The following STX18 variants were observed in gnomAD, a reference collection of about 807,000 sequenced individuals.
STX18 encodes syntaxin 18, also known as syntaxin-18.
Under a neutral mutation model 50.1 loss-of-function variants are expected in STX18, and 40 were observed. The ratio of observed to expected loss-of-function variants is 0.80; its 90% CI spans 0.62 to 1.04. STX18 has a LOEUF of 1.04. STX18 is among the 50% of genes least tolerant of loss of function. The probability of loss-of-function intolerance (pLI) is 0.00; values close to 1 mark genes in which losing one functional copy is unlikely to be tolerated. For synonymous variants in STX18, 158 were observed against 151.8 expected, an observed-to-expected ratio of 1.04 and a Z score of -0.30; for missense variants, 410 against 415.8, an observed-to-expected ratio of 0.99 and a Z score of 0.12.
At chr4:4,460,620 G>A (rs1248012304) in intron 2 of STX18, among the ~76,000 whole-genome samples, 1 of 152,142 alleles carries the variant, frequency 6.6e-6, no homozygotes, top group African/African-American at 2.4e-5. Flanking sequence ...TATTTTCTAA[G>A]GAAGAGTTGG....
At chr4:4,465,591 C>A (rs944920573) in intron 2 of STX18, among the ~76,000 whole-genome samples, 1 of 152,066 alleles carries the variant, frequency 6.6e-6, no homozygotes, top group Non-Finnish European at 1.5e-5. Flanking sequence ...GGGAACAATA[C>A]AAACTGGGGC....
intron 1 of STX18, among the ~76,000 whole-genome samples, chr4:4,523,305 C>A (rs1239440657): frequency 6.6e-6 from 1 of 152,210 alleles, no homozygotes; most frequent in African/African-American, 2.4e-5. Context: ...TTCCCAGGGA[C>A]TACTCTGAGG....
At chr4:4,424,219 TG>T (rs900345791) in intron 8 of STX18, among the ~76,000 whole-genome samples, 1 of 143,418 alleles carries the variant, frequency 7.0e-6, no homozygotes, top group African/African-American at 2.6e-5. Context: ...GGGGGGCGGG[TG>T]GGGGCACATC....
chr4:4,462,234 C>T (rs1025927829), intron 2 of STX18, among the ~76,000 whole-genome samples: 2 of 152,164 alleles, frequency 1.3e-5, no homozygotes, highest in African/African-American at 4.8e-5. Context: ...AACCAACACC[C>T]TCCAACCCCC....
At chr4:4,447,092 C>T (rs181610965) in intron 5 of STX18, among the ~76,000 whole-genome samples, 9 of 152,194 alleles carry the variant, frequency 5.9e-5, no homozygotes, top group African/African-American at 1.9e-4. Context: ...TAGGTATACA[C>T]ATATGATTAT....
At chr4:4,477,148 C>T (rs1410768674) in intron 1 of STX18, among the ~76,000 whole-genome samples, 1 of 152,136 alleles carries the variant, frequency 6.6e-6, no homozygotes, top group Non-Finnish European at 1.5e-5. Flanking sequence ...GAGGCTGAGG[C>T]AGGAGAATCA....
At position 4,471,620 on chromosome 4, in the gene STX18, TA is replaced by T. The variant is rs541587766; in HGVS notation, c.236+18del. The T allele has an allele frequency of 6.6e-6, 10 of 1,512,872 alleles. No individual in the cohort carries two copies. The East Asian group carries it at 7.0e-5, about 11-fold the overall frequency. The allele number at this position is 1,512,872 out of a possible 1,614,324, so 93.7% of individuals were successfully genotyped here. The stretch of plus-strand genomic sequence containing the variant: ...AAGAACACAGTCACCAAAGTCCTGG[TA>T]AAAAAATATGTACTTACCTATAAGC... On this transcript the variant is annotated intron_variant, in intron 2 of 10. Transcript: ENST00000306200.
At chr4:4,475,728 C>T (rs1021517307) in intron 1 of STX18, among the ~76,000 whole-genome samples, 3 of 152,212 alleles carry the variant, frequency 2.0e-5, no homozygotes, top group Non-Finnish European at 4.4e-5. Context: ...ACAATTCTGA[C>T]GTGCTCATTA....
At chr4:4,522,848 C>T (rs1481343689) in intron 1 of STX18, among the ~76,000 whole-genome samples, 1 of 152,058 alleles carries the variant, frequency 6.6e-6, no homozygotes, top group African/African-American at 2.4e-5. Context: ...GCAGAGTTTC[C>T]AGAAAATCAA....
chr4:4,541,669 T>C (rs1390362956), intron 1 of STX18, 128 bp downstream of exon 1: 9 of 1,041,872 alleles, frequency 8.6e-6, no homozygotes, highest in Non-Finnish European at 1.2e-5. Context: ...TGAGGCCAAC[T>C]CTTCTGTCCC....
At chr4:4,429,592 T>C (rs1015768496) in intron 7 of STX18, among the ~76,000 whole-genome samples, 2 of 152,202 alleles carry the variant, frequency 1.3e-5, no homozygotes, top group African/African-American at 4.8e-5. Flanking sequence ...CCAGACGTGC[T>C]TTCTCTGTAC....
chr4:4,434,911 C>T lies in STX18; in HGVS notation c.614-53G>A, dbSNP rs988681295. Reference sequence around the variant, plus strand: ...GACCAAATATGTGTTTTAGAATAGGCTGGCTTAGGATGTAGTCATAACACA... The same window carrying T: ...GACCAAATATGTGTTTTAGAATAGGTTGGCTTAGGATGTAGTCATAACACA... On this transcript the variant is annotated intron_variant, in intron 6 of 10. Transcript: ENST00000306200. 10 of 1,322,446 alleles carry T rather than the reference C, an allele frequency of 7.6e-6. No homozygotes were observed. In the East Asian group the frequency reaches 9.5e-5, roughly 13 times the overall value. The allele number at this position is 1,322,446 out of a possible 1,614,324, so 81.9% of individuals were successfully genotyped here. A position where few individuals can be genotyped will look rare whatever the true frequency, so the allele number is the denominator to read the frequency against.
intron 1 of STX18, among the ~76,000 whole-genome samples, chr4:4,502,027 G>C (rs955212453): frequency 2.1e-4 from 32 of 152,164 alleles, no homozygotes; most frequent in African/African-American, 7.7e-4. Context: ...TAAGCATTAA[G>C]AACCTGCACA....
intron 1 of STX18, among the ~76,000 whole-genome samples, chr4:4,473,098 A>C (rs1728004169): frequency 6.6e-6 from 1 of 152,048 alleles, no homozygotes; most frequent in African/African-American, 2.4e-5. Flanking sequence ...CTGTGCTATG[A>C]TTCTTACTGT....
intron 5 of STX18, among the ~76,000 whole-genome samples, chr4:4,446,290 T>C (rs1238585879): frequency 6.6e-6 from 1 of 152,004 alleles, no homozygotes; most frequent in Non-Finnish European, 1.5e-5. Flanking sequence ...TTAGTGACCT[T>C]GGGGTAGACA....
intron 5 of STX18, among the ~76,000 whole-genome samples, chr4:4,441,011 C>T (rs1399940085): frequency 6.6e-6 from 1 of 152,184 alleles, no homozygotes; most frequent in African/African-American, 2.4e-5. Context: ...GGAGGCCACA[C>T]ACATGGCTAG....
chr4:4,458,219 A>T lies in STX18; in HGVS notation c.353-719T>A, dbSNP rs546211375. The stretch of plus-strand genomic sequence containing the variant: ...GTGAAGAAACTAAGGTTCAGAGGCA[A>T]TAAATAGCCCAAGGTTAGATGGTTT... On this transcript the variant is annotated intron_variant, in intron 3 of 10. Coordinates refer to ENST00000306200, the MANE Select transcript of STX18 (RefSeq NM_016930.4). Among the ~76,000 whole-genome samples the T allele has an allele frequency of 4.6e-5, 7 of 152,338 alleles. No individual in the cohort carries two copies. The South Asian group carries it at 1.5e-3, about 32-fold the overall frequency.
intron 1 of STX18, among the ~76,000 whole-genome samples, chr4:4,508,563 T>C (rs1028113716): frequency 2.0e-5 from 3 of 152,114 alleles, no homozygotes; most frequent in Admixed American, 6.6e-5. Context: ...TCAACTTTTA[T>C]TTTAAGTTCT....
chr4:4,483,761 A>G (rs1230570494), intron 1 of STX18, among the ~76,000 whole-genome samples: 3 of 152,194 alleles, frequency 2.0e-5, no homozygotes, highest in African/African-American at 7.2e-5. Context: ...CTCAGACAGT[A>G]AAAAGTTCTT....
Sources: gnomAD v4.1 joint callset for allele counts (sites outside exome capture counted in the v4.1 genomes callset) on GRCh38, gnomAD v4.1.1 for gene constraint, MANE v1.5 for transcripts, NCBI Gene and HGNC (gene_info 2026-07-23, HGNC 2026-07-21) for gene names.